PIWIL1: variants seen among roughly 807,000 people sequenced by gnomAD.
PIWIL1 encodes the protein piwi-like protein 1.
PIWIL1 carries 73 observed loss-of-function variants against 114.4 expected under a neutral mutation model. The ratio of observed to expected loss-of-function variants is 0.64; its 90% CI spans 0.53 to 0.78. The LOEUF is 0.78. PIWIL1 is among the 30% of genes least tolerant of loss of function. The probability of loss-of-function intolerance (pLI) is 0.00; values close to 1 mark genes in which losing one functional copy is unlikely to be tolerated. For missense variants in PIWIL1, 723 were observed against 1,063.1 expected (o/e 0.68, Z 4.45); for synonymous variants, 375 against 369.0 (o/e 1.02, Z -0.19).
chr12:130,347,980 T>C, intron 6 of PIWIL1, 123 bp from the exon 7 acceptor site: 1 of 585,758 alleles, frequency 1.7e-6, no homozygotes, highest in Non-Finnish European at 3.0e-6. Flanking sequence ...AAACAGCAGG[T>C]AGGTTGGATT....
At chr12:130,352,957 C>G (rs535449087) in intron 9 of PIWIL1, among the ~76,000 whole-genome samples, 1 of 152,160 alleles carries the variant, frequency 6.6e-6, no homozygotes, top group Non-Finnish European at 1.5e-5. Context: ...TGTGAGTGTT[C>G]TACTTAAAAT....
Position 130,346,959 on chromosome 12 carries a change from A to G in PIWIL1, c.550A>G (p.Lys184Glu). The G allele has an allele frequency of 6.2e-7, 1 of 1,612,092 alleles. No individual in the cohort carries two copies. Among genetic ancestry groups the G allele is most frequent in the East Asian group, 2.2e-5 (1 of 44,850 alleles). The change falls in exon 6 of 21, where the codon AAG becomes GAG. Residue 184 changes from lysine to glutamate, a missense_variant. Around this residue, in one of 8 missense-constraint regions of PIWIL1, gnomAD observed 190 missense variants for 294.4 expected, o/e 0.65. Transcript: ENST00000245255. ...GCTTCAGGTTACTGAAGTTTTTAGT[A>G]AGACCCGGAATGGAGAGGATGTGAG... is the stretch of plus-strand genomic sequence containing the variant. ...LQQKVTEVFS[K>E]TRNGEDVRIT...
chr12:130,417,138 T>A, the PIWIL1 span, among the ~76,000 whole-genome samples: 1 of 152,082 alleles, frequency 6.6e-6, no homozygotes, highest in South Asian at 2.1e-4. Context: ...GTATATACCA[T>A]TGGAGGGAAC....
At chr12:130,398,278 AGTTG>A in the PIWIL1 span, 2 of 152,248 alleles carry the variant, frequency 1.3e-5, no homozygotes, top group Non-Finnish European at 2.9e-5. Flanking sequence ...CATGTGCCTG[AGTTG>A]GCAGTGCAGC....
the PIWIL1 span, chr12:130,412,520 T>G: frequency 1.8e-6 from 2 of 1,102,434 alleles, no homozygotes; most frequent in Non-Finnish European, 1.3e-6. Flanking sequence ...ATTTAAATGA[T>G]GCAATTTGGG....
the PIWIL1 span, chr12:130,398,465 A>G: frequency 6.5e-6 from 1 of 152,818 alleles, no homozygotes; most frequent in East Asian, 1.9e-4. Flanking sequence ...TGAAGATACC[A>G]TCTATTCCAT....
At chr12:130,347,831 G>C (rs760870579) in intron 6 of PIWIL1, among the ~76,000 whole-genome samples, 3 of 152,180 alleles carry the variant, frequency 2.0e-5, no homozygotes, top group Non-Finnish European at 4.4e-5. Context: ...GTGAGTGAGC[G>C]GTCATGGCTG....
chr12:130,363,612 C>CTTTTTTTTT lies in PIWIL1; in HGVS notation c.2195+483_2195+491dup, dbSNP rs34198016. 6.4e-4 allele frequency among the ~76,000 whole-genome samples: 53 copies of CTTTTTTTTT among 82,420 alleles called. 2 individuals are homozygous for CTTTTTTTTT. Among genetic ancestry groups the CTTTTTTTTT allele is most frequent in the Non-Finnish European group, 8.5e-4 (40 of 47,224 alleles). The allele number at this position is 82,420 out of a possible 152,430, so 54.1% of individuals were successfully genotyped here. On this transcript the variant is annotated intron_variant, in intron 18 of 20. Coordinates refer to ENST00000245255, the MANE Select transcript of PIWIL1 (RefSeq NM_004764.5). ...GGGCAGGGGTAGTTCTACTTTCTCC[C>CTTTTTTTTT]TTTTTTTTTTTTTTTTTTTTTTTGA...
chr12:130,420,174 G>A, the PIWIL1 span, among the ~76,000 whole-genome samples: 3 of 152,116 alleles, frequency 2.0e-5, no homozygotes, highest in Admixed American at 6.5e-5. This position sits in a 1 kb window ranked among gnomAD's most constrained non-coding sequence, Gnocchi z 4.3. Flanking sequence ...GCTCTTTGCC[G>A]AGTCCTCCTC....
intron 18 of PIWIL1, among the ~76,000 whole-genome samples, chr12:130,364,333 T>G (rs2073596327): frequency 6.6e-6 from 1 of 152,206 alleles, no homozygotes; most frequent in South Asian, 2.1e-4. Flanking sequence ...TGGCCACATC[T>G]GGGGCTTGAT....
the PIWIL1 span, among the ~76,000 whole-genome samples, chr12:130,403,056 A>G: frequency 2.4e-4 from 37 of 152,222 alleles, no homozygotes; most frequent in African/African-American, 8.7e-4. Flanking sequence ...CTGATATGGG[A>G]TATAGCAGAA....
chr12:130,413,640 A>C, the PIWIL1 span, among the ~76,000 whole-genome samples: 4 of 150,450 alleles, frequency 2.7e-5, no homozygotes, highest in East Asian at 7.8e-4. Flanking sequence ...CTCAAAAAAA[A>C]AAAAAAAAAA....
At chr12:130,406,174 A>G in the PIWIL1 span, 2 of 1,535,120 alleles carry the variant, frequency 1.3e-6, no homozygotes, top group African/African-American at 2.7e-5. Context: ...AAACTTACAT[A>G]ATAAAATCCA....
intron 17 of PIWIL1, 42 bp downstream of exon 17, chr12:130,362,878 G>A (rs2073552114): frequency 6.2e-7 from 1 of 1,610,722 alleles, no homozygotes; most frequent in African/African-American, 1.3e-5. Context: ...TCTAAACTGG[G>A]GTCTTCCAGA....
rs2073820341 is a variant in PIWIL1, at chr12:130,371,682, T to C, written c.*84T>C. The stretch of plus-strand genomic sequence containing the variant: ...CTTTTATTTACTTTTTTTTTAACTG[T>C]TATCTTTCTGGATGAAACTTGGGAA... On this transcript the variant is annotated 3_prime_UTR_variant, in exon 21 of 21. Transcript: ENST00000245255. 1.2e-6 allele frequency: 1 copy of C among 851,350 alleles called. No homozygotes were observed. The highest frequency in any genetic ancestry group is 2.4e-5 in the Admixed American group (1 of 41,390). 52.7% of individuals were successfully genotyped at this position (851,350 alleles called of 1,614,324 possible).
At chr12:130,378,149 C>T in the PIWIL1 span, among the ~76,000 whole-genome samples, 3 of 152,162 alleles carry the variant, frequency 2.0e-5, no homozygotes, top group Non-Finnish European at 2.9e-5. Flanking sequence ...ACAAAGGTTC[C>T]ATCTTGCCTC....
the PIWIL1 span, among the ~76,000 whole-genome samples, chr12:130,417,602 C>T: frequency 2.0e-5 from 3 of 152,108 alleles, no homozygotes; most frequent in Non-Finnish European, 2.9e-5. Context: ...GGGCAAGGGC[C>T]GAGAAACTCC....
the PIWIL1 span, among the ~76,000 whole-genome samples, chr12:130,402,435 G>A: frequency 3.3e-5 from 5 of 152,150 alleles, no homozygotes; most frequent in South Asian, 1.0e-3. Flanking sequence ...TGGTACTGAC[G>A]TATTTCGGGC....
At chr12:130,396,300 G>T in the PIWIL1 span, 2 of 152,600 alleles carry the variant, frequency 1.3e-5, no homozygotes, top group African/African-American at 4.8e-5. Flanking sequence ...AATGGGGAAA[G>T]CTTTGTCATT....
Sources: allele counts gnomAD v4.1 joint callset (sites outside exome capture counted in the v4.1 genomes callset), GRCh38; gene constraint gnomAD v4.1.1; regional missense constraint gnomAD v4.1.1; non-coding constraint Gnocchi (gnomAD v3.1); transcripts MANE v1.5; gene names NCBI Gene and HGNC (gene_info 2026-07-23, HGNC 2026-07-21).